The following GRM7 variants were observed in gnomAD, a reference collection of about 807,000 sequenced individuals.
The protein encoded by GRM7 is metabotropic glutamate receptor 7.
In GRM7, 35 loss-of-function variants were observed where a neutral mutation model predicts 84.5. The observed-to-expected ratio is 0.41, with a 90% CI of 0.32 to 0.55. The LOEUF is 0.55. Among genes scored for constraint, GRM7 ranks in the 20% least tolerant of loss-of-function variants. The pLI, the probability that GRM7 is intolerant of heterozygous loss-of-function variation, is 0.19. For synonymous variants in GRM7, 487 were observed against 455.1 expected, an observed-to-expected ratio of 1.07 and a Z score of -0.89; for missense variants, 1,003 against 1,194.6, an observed-to-expected ratio of 0.84 and a Z score of 2.36.
chr3:7,649,894 G>A (rs979210554), intron 8 of GRM7, among the ~76,000 whole-genome samples: 12 of 151,992 alleles, frequency 7.9e-5, no homozygotes, highest in Admixed American at 7.2e-4. Context: ...AAGCCAATAT[G>A]AGTTCTGTAA....
chr3:7,119,758 A>G (rs1170060613), intron 1 of GRM7, among the ~76,000 whole-genome samples: 1 of 152,106 alleles, frequency 6.6e-6, no homozygotes, highest in Non-Finnish European at 1.5e-5. Context: ...ATACACAAAC[A>G]CTGTTGATTA....
chr3:7,553,986 T>C (rs891672287), intron 7 of GRM7, among the ~76,000 whole-genome samples: 5 of 152,108 alleles, frequency 3.3e-5, no homozygotes, highest in African/African-American at 9.7e-5. Context: ...ACTCAACTAA[T>C]GGGGGGTAGC....
In GRM7 at chr3:7,024,237, G is replaced by A. The variant is rs187841117; in HGVS notation, c.520-122215G>A. ...AGCATCTTTAGTAACAGAAAAACTC[G>A]TTTCCTCTATCTAGGTCAGGGAAGG... On this transcript the variant is annotated intron_variant, in intron 1 of 9. Coordinates refer to ENST00000357716, the MANE Select transcript of GRM7 (RefSeq NM_000844.4). Among the ~76,000 whole-genome samples, 311 of 152,162 alleles carry A rather than the reference G, an allele frequency of 2.0e-3. 3 individuals are homozygous for A. The highest frequency in any genetic ancestry group is 7.4e-3 in the African/African-American group (306 of 41,522).
At chr3:7,570,554 G>A (rs1475835364) in intron 7 of GRM7, among the ~76,000 whole-genome samples, 1 of 152,188 alleles carries the variant, frequency 6.6e-6, no homozygotes, top group Admixed American at 6.5e-5. Flanking sequence ...GATGCAAAAG[G>A]TGGGTTCCCA....
chr3:7,111,899 C>T (rs934491273), intron 1 of GRM7, among the ~76,000 whole-genome samples: 1 of 151,988 alleles, frequency 6.6e-6, no homozygotes, highest in African/African-American at 2.4e-5. Flanking sequence ...ATATTACCAG[C>T]ACCCCCCCAC....
chr3:6,991,311 A>G (rs138845965), intron 1 of GRM7, among the ~76,000 whole-genome samples: 113 of 152,240 alleles, frequency 7.4e-4, no homozygotes, highest in Non-Finnish European at 9.6e-4. Flanking sequence ...AGTTGGGGGA[A>G]CTTCTTTCTC....
chr3:7,428,752 G>A (rs1696711164), intron 5 of GRM7, among the ~76,000 whole-genome samples: 1 of 152,046 alleles, frequency 6.6e-6, no homozygotes, highest in Non-Finnish European at 1.5e-5. Context: ...CCCAATTCTG[G>A]TAATTCTGTG....
chr3:6,910,353 C>T (rs1358698609), intron 1 of GRM7, among the ~76,000 whole-genome samples: 2 of 152,178 alleles, frequency 1.3e-5, no homozygotes, highest in Non-Finnish European at 2.9e-5. Context: ...AAATGTAGTT[C>T]AGGCAATTAT....
chr3:6,995,140 C>A (rs537729471), intron 1 of GRM7, among the ~76,000 whole-genome samples: 2 of 152,318 alleles, frequency 1.3e-5, no homozygotes, highest in African/African-American at 4.8e-5. Context: ...GGAACATAAT[C>A]TTTCTCAGCC....
intron 8 of GRM7, among the ~76,000 whole-genome samples, chr3:7,660,814 AC>A (rs1227222746): frequency 1.3e-5 from 2 of 152,160 alleles, no homozygotes; most frequent in Admixed American, 6.5e-5. Flanking sequence ...CCAGAACTAA[AC>A]CCACAAATGT....
At chr3:7,641,994 A>G (rs915821173) in intron 8 of GRM7, among the ~76,000 whole-genome samples, 1 of 152,100 alleles carries the variant, frequency 6.6e-6, no homozygotes, top group African/African-American at 2.4e-5. Flanking sequence ...CAGTGAGTAA[A>G]TACATCGTAC....
chr3:7,199,599 T>G lies in GRM7; in HGVS notation c.736+52931T>G, dbSNP rs1273294943. Among the ~76,000 whole-genome samples the G allele has an allele frequency of 3.9e-5, 6 of 152,348 alleles. No homozygotes were observed. In the South Asian group the frequency reaches 1.0e-3, roughly 26 times the overall value. On this transcript the variant is annotated intron_variant, in intron 2 of 9. Transcript: ENST00000357716. ...CCAGCCCAGGGTCTTTGTTAATGTC[T>G]GGAGACATTTTAAATTGTCACTACT...
chr3:7,099,504 G>A (rs12634118), intron 1 of GRM7, among the ~76,000 whole-genome samples: 179 of 140,294 alleles, frequency 1.3e-3, no homozygotes, highest in African/African-American at 3.8e-3. Flanking sequence ...CATTATACAT[G>A]TACACATATA....
intron 7 of GRM7, among the ~76,000 whole-genome samples, chr3:7,532,256 T>G (rs1315915789): frequency 6.6e-6 from 1 of 152,112 alleles, no homozygotes; most frequent in Non-Finnish European, 1.5e-5. Flanking sequence ...TTGGTCGGGC[T>G]TTTTTTGTTT....
At chr3:7,055,606 C>T (rs1238240954) in intron 1 of GRM7, among the ~76,000 whole-genome samples, 2 of 151,368 alleles carry the variant, frequency 1.3e-5, no homozygotes, top group African/African-American at 4.9e-5. Context: ...CTGCAACCTC[C>T]ACCTCCCTGG....
intron 8 of GRM7, among the ~76,000 whole-genome samples, chr3:7,631,198 C>A (rs193176615): frequency 6.6e-6 from 1 of 152,302 alleles, no homozygotes; most frequent in East Asian, 1.9e-4. Flanking sequence ...GCCAGCTGGG[C>A]TCTTTGTACT....
chr3:7,439,576 C>T (rs1225216208), intron 5 of GRM7, among the ~76,000 whole-genome samples: 1 of 152,180 alleles, frequency 6.6e-6, no homozygotes, highest in Admixed American at 6.5e-5. Context: ...AGACCCTTCA[C>T]AGTTTGTGAC....
At chr3:7,473,461 G>A (rs1247129870) in intron 7 of GRM7, among the ~76,000 whole-genome samples, 3 of 148,386 alleles carry the variant, frequency 2.0e-5, no homozygotes, top group Non-Finnish European at 4.5e-5. Flanking sequence ...ACGCAACAGA[G>A]CAAGACTCTG....
Position 7,176,876 on chromosome 3 carries a change from T to C in GRM7, c.736+30208T>C, listed in dbSNP as rs544181236. On this transcript the variant is annotated intron_variant, in intron 2 of 9. Coordinates refer to ENST00000357716, the MANE Select transcript of GRM7 (RefSeq NM_000844.4). The stretch of plus-strand genomic sequence containing the variant: ...TGACTTCAGGAATCAGCTTTATTCA[T>C]GTCATGCAAAGTCCTAGGAGTCACC... Among the ~76,000 whole-genome samples, 7 of 152,344 alleles carry C rather than the reference T, an allele frequency of 4.6e-5. No homozygotes were observed. In the East Asian group the frequency reaches 1.2e-3, roughly 25 times the overall value.
Sources: gnomAD v4.1 joint callset for allele counts (sites outside exome capture counted in the v4.1 genomes callset) on GRCh38, gnomAD v4.1.1 for gene constraint, MANE v1.5 for transcripts, NCBI Gene and HGNC (gene_info 2026-07-23, HGNC 2026-07-21) for gene names.